Variants in IARS1 observed in about 807,000 individuals in gnomAD.
IARS1 encodes isoleucine--tRNA ligase, cytoplasmic.
A neutral mutation model predicts 168.2 loss-of-function variants in IARS1; 124 were observed. The ratio of observed to expected loss-of-function variants is 0.74; its 90% CI spans 0.64 to 0.86. The LOEUF is 0.86. Ranked by LOEUF, IARS1 falls within the 40% of genes least tolerant of loss-of-function variation. IARS1 has a pLI of 0.00. For synonymous variants in IARS1, 532 were observed against 529.4 expected (o/e 1.00, Z -0.07); for missense variants, 1,452 against 1,515.8 (o/e 0.96, Z 0.70).
In IARS1 at chr9:92,271,663, A is replaced by G. The variant is rs777376322; in HGVS notation, c.991-8T>C. 9.9e-6 allele frequency: 16 copies of G among 1,613,890 alleles called. No homozygotes were observed. The East Asian group carries it at 3.1e-4, about 31-fold the overall frequency. ...ACAGACCCGATAGTCCTCCTGAGAAAAGGCAAAAGAGAGGGAAGAATAAAA... is the reference window on the plus strand; with the variant it reads ...ACAGACCCGATAGTCCTCCTGAGAAGAGGCAAAAGAGAGGGAAGAATAAAA... On this transcript the variant is annotated splice_polypyrimidine_tract_variant and splice_region_variant and intron_variant, in intron 10 of 33. Coordinates refer to ENST00000443024, the MANE Select transcript of IARS1 (RefSeq NM_002161.6).
intron 33 of IARS1, among the ~76,000 whole-genome samples, chr9:92,214,176 G>C (rs182221869): frequency 1.3e-5 from 2 of 151,998 alleles, no homozygotes; most frequent in East Asian, 3.9e-4. Context: ...GGAACTAGAC[G>C]TATGCTTCTT....
At chr9:92,216,393 T>G (rs1838695985) in intron 33 of IARS1, among the ~76,000 whole-genome samples, 1 of 149,424 alleles carries the variant, frequency 6.7e-6, no homozygotes, top group South Asian at 2.3e-4. Flanking sequence ...GCTAACATCA[T>G]AATGACAGGA....
At chr9:92,293,555 C>T (rs935065307) in intron 1 of IARS1, 56 bp downstream of exon 1, 3 of 487,898 alleles carry the variant, frequency 6.1e-6, no homozygotes, top group African/African-American at 4.0e-5. Context: ...GGGGTTGTAA[C>T]GCGTGCGTGA....
chr9:92,272,559 G>A lies in IARS1; in HGVS notation c.991-904C>T, dbSNP rs186477004. On this transcript the variant is annotated intron_variant, in intron 10 of 33. Transcript: ENST00000443024. ...TGCAACGGAAGGCCTCTCAGAAAATGTTTACCAAGGCCGGGTGCAGTGGCT... is the reference window on the plus strand; with the variant it reads ...TGCAACGGAAGGCCTCTCAGAAAATATTTACCAAGGCCGGGTGCAGTGGCT... Among the ~76,000 whole-genome samples the A allele has an allele frequency of 3.5e-4, 53 of 152,294 alleles. 1 individual carries two copies. In the East Asian group the frequency reaches 5.0e-3, roughly 14 times the overall value.
Position 92,253,345 on chromosome 9 carries a change from C to A in IARS1, c.2229+17G>T, listed in dbSNP as rs369522255. On this transcript the variant is annotated intron_variant, in intron 21 of 33. Transcript: ENST00000443024. ...TTCATACACTTTTTGCTTTTCCCAA[C>A]AGCAGTCTGCACTTACCTTTAATCT... 1 of 1,548,376 alleles carries A rather than the reference C, an allele frequency of 6.5e-7. No individual in the cohort carries two copies. Among genetic ancestry groups the A allele is most frequent in the Admixed American group, 1.7e-5 (1 of 59,834 alleles).
chr9:92,272,869 A>C (rs113573105), intron 10 of IARS1, among the ~76,000 whole-genome samples: 4,099 of 146,784 alleles, frequency 0.028, 25 homozygotes, highest in South Asian at 0.04. Flanking sequence ...CAAAACAAAA[A>C]AAAAAAAAAA....
chr9:92,292,913 T>C (rs186338604), intron 1 of IARS1, among the ~76,000 whole-genome samples: 5 of 152,378 alleles, frequency 3.3e-5, no homozygotes, highest in African/African-American at 1.2e-4. Context: ...GGTTCCAATA[T>C]TCTTCCCATT....
intron 31 of IARS1, among the ~76,000 whole-genome samples, chr9:92,226,529 A>G (rs898624157): frequency 2.0e-5 from 3 of 152,222 alleles, no homozygotes. Context: ...TGAGGCTGCC[A>G]TAGTAAAGTC....
At chr9:92,238,363 T>C (rs1348253847) in intron 30 of IARS1, among the ~76,000 whole-genome samples, 3 of 152,214 alleles carry the variant, frequency 2.0e-5, no homozygotes, top group Non-Finnish European at 4.4e-5. Context: ...CATGAATGGC[T>C]TGGTACCCTT....
intron 32 of IARS1, among the ~76,000 whole-genome samples, chr9:92,222,910 G>C (rs1412892520): frequency 6.6e-6 from 1 of 152,050 alleles, no homozygotes; most frequent in Non-Finnish European, 1.5e-5. Flanking sequence ...GCAGCTTGGG[G>C]AGCAGATACT....
chr9:92,261,134 C>A (rs1831466050), intron 17 of IARS1, among the ~76,000 whole-genome samples: 1 of 151,942 alleles, frequency 6.6e-6, no homozygotes, highest in Admixed American at 6.6e-5. Context: ...ATGGTGAAAC[C>A]CTGTCTCTAC....
intron 5 of IARS1, 28 bp from the exon 6 acceptor site, chr9:92,285,867 C>T: frequency 4.7e-6 from 6 of 1,264,656 alleles, no homozygotes; most frequent in Non-Finnish European, 6.9e-6. Flanking sequence ...TTCACAATTA[C>T]AGAACAAAAT....
chr9:92,256,570 C>T (rs1830751108), intron 20 of IARS1, 110 bp downstream of exon 20: 10 of 1,138,630 alleles, frequency 8.8e-6, no homozygotes, highest in African/African-American at 1.5e-5. Context: ...TAAAAGGAAA[C>T]AATTATTTAA....
chr9:92,282,860 A>ATATATATTTT (rs1230782830), intron 6 of IARS1, among the ~76,000 whole-genome samples: 1 of 132,856 alleles, frequency 7.5e-6, no homozygotes. Context: ...ATATATATAT[A>ATATATATTTT]TTTTTTTTTT....
At chr9:92,243,046 A>C in intron 28 of IARS1, 170 bp downstream of exon 28, 2 of 539,248 alleles carry the variant, frequency 3.7e-6, no homozygotes, top group Non-Finnish European at 6.9e-6. Flanking sequence ...ACACGTGGGG[A>C]GAGGAAGAGG....
intron 17 of IARS1, among the ~76,000 whole-genome samples, chr9:92,261,987 A>G (rs1831594383): frequency 6.6e-6 from 1 of 151,728 alleles, no homozygotes; most frequent in African/African-American, 2.4e-5. Flanking sequence ...TGACCTCAGG[A>G]GATCCGCCCA....
chr9:92,219,541 G>A (rs1839330179), intron 33 of IARS1, among the ~76,000 whole-genome samples: 2 of 150,680 alleles, frequency 1.3e-5, no homozygotes, highest in African/African-American at 2.4e-5. Flanking sequence ...CTAATATCCA[G>A]AATCTACAAT....
At chr9:92,250,666 T>C in intron 23 of IARS1, 47 bp downstream of exon 23, 1 of 1,505,608 alleles carries the variant, frequency 6.6e-7, no homozygotes, top group Non-Finnish European at 9.0e-7. Flanking sequence ...CTTGAGCAAC[T>C]CTCCCCTCCT....
Position 92,250,308 on chromosome 9 carries a change from A to G in IARS1, c.2430-19T>C. The G allele has an allele frequency of 7.0e-7, 1 of 1,421,464 alleles. No individual in the cohort carries two copies. 88.1% of individuals were successfully genotyped at this position (1,421,464 alleles called of 1,614,324 possible). A position where few individuals can be genotyped will look rare whatever the true frequency, so the allele number is the denominator to read the frequency against. On this transcript the variant is annotated intron_variant, in intron 23 of 33. Transcript: ENST00000443024. The stretch of plus-strand genomic sequence containing the variant: ...TTCTTCTCTGAGTGGTAGAGGTAGG[A>G]ATATGAAAGAGTTTAGATTTAAGAG...
Sources: allele counts gnomAD v4.1 joint callset (sites outside exome capture counted in the v4.1 genomes callset), GRCh38; gene constraint gnomAD v4.1.1; transcripts MANE v1.5; gene names NCBI Gene and HGNC (gene_info 2026-07-23, HGNC 2026-07-21).